The following FGD6 variants were observed in gnomAD, a reference collection of about 807,000 sequenced individuals.
The protein encoded by FGD6 is FYVE, RhoGEF and PH domain containing 6.
A neutral mutation model predicts 149.4 loss-of-function variants in FGD6; 90 were observed. The observed-to-expected ratio is 0.60, with a 90% CI of 0.51 to 0.72. The LOEUF (loss-of-function observed/expected upper bound fraction) is 0.72, where lower values mean the gene tolerates loss of function less well. FGD6 is among the 30% of genes least tolerant of loss of function. FGD6 has a pLI of 0.00. For missense variants in FGD6, 1,437 were observed against 1,684.8 expected (o/e 0.85, Z 2.57); for synonymous variants, 527 against 584.0 (o/e 0.90, Z 1.41).
intron 6 of FGD6, among the ~76,000 whole-genome samples, chr12:95,141,127 G>T (rs1879829550): frequency 6.6e-6 from 1 of 151,930 alleles, no homozygotes; most frequent in African/African-American, 2.4e-5. Flanking sequence ...GGAGGCTGAG[G>T]CAGAAGAAAC....
In FGD6 at chr12:95,076,867, A is replaced by C. The variant is rs1877509768; in HGVS notation, c.*4653T>G. 6.6e-6 allele frequency: 1 copy of C among 152,066 alleles called. No homozygotes were observed. The highest frequency in any genetic ancestry group is 2.1e-4 in the South Asian group (1 of 4,816). 9.4% of individuals were successfully genotyped at this position (152,066 alleles called of 1,614,324 possible). A position where few individuals can be genotyped will look rare whatever the true frequency, so the allele number is the denominator to read the frequency against. ...ACAAACTGTTATCATTTTAAGTACA[A>C]AGTATTTCTAGAAATACATTATAAG... On this transcript the variant is annotated 3_prime_UTR_variant, in exon 21 of 21. Coordinates refer to ENST00000343958, the MANE Select transcript of FGD6 (RefSeq NM_018351.4).
At chr12:95,198,565 G>A (rs566235707) in intron 2 of FGD6, among the ~76,000 whole-genome samples, 23 of 151,920 alleles carry the variant, frequency 1.5e-4, no homozygotes, top group African/African-American at 4.1e-4. Flanking sequence ...TCAGCCTCCC[G>A]AGTAGCTAGG....
chr12:95,192,368 A>G (rs1881616089), intron 2 of FGD6, among the ~76,000 whole-genome samples: 1 of 152,238 alleles, frequency 6.6e-6, no homozygotes, highest in East Asian at 1.9e-4. Flanking sequence ...GTACTGTTTG[A>G]TATGTAGTTA....
In FGD6 at chr12:95,141,532, CG is replaced by C. The variant is rs765552298; in HGVS notation, c.2692del (p.Arg898GlyfsTer4). 6.2e-7 allele frequency: 1 copy of C among 1,613,982 alleles called. No individual in the cohort carries two copies. The highest frequency in any genetic ancestry group is 8.5e-7 in the Non-Finnish European group (1 of 1,179,980). ...CCTGGAAGCATGAGCTACTGCATCC[CG>C]GAAATCCTATTACAGTCCAGAGCAG... ...DVLKLLHIDF[R>X]DAVAHASRQL... On this transcript the variant is annotated frameshift_variant, in exon 6 of 21. Coordinates refer to ENST00000343958, the MANE Select transcript of FGD6 (RefSeq NM_018351.4). LOFTEE classifies it high-confidence loss of function.
chr12:95,104,988 A>AAT lies in FGD6; in HGVS notation c.3497+18_3497+19insAT. ...CAGAATGAGAAAAAAAAAAAAAAAA[A>AAT]GAAGAAGAAAAAATTTACCTGGCTG... is the stretch of plus-strand genomic sequence containing the variant. On this transcript the variant is annotated intron_variant, in intron 14 of 20. Transcript: ENST00000343958. 7.1e-7 allele frequency: 1 copy of AAT among 1,407,676 alleles called. No homozygotes were observed. The highest frequency in any genetic ancestry group is 9.6e-7 in the Non-Finnish European group (1 of 1,043,620). The allele number at this position is 1,407,676 out of a possible 1,614,324, so 87.2% of individuals were successfully genotyped here.
chr12:95,088,614 C>T (rs1282411936), intron 18 of FGD6, among the ~76,000 whole-genome samples: 1 of 152,182 alleles, frequency 6.6e-6, no homozygotes, highest in Non-Finnish European at 1.5e-5. Context: ...CATATGTCCA[C>T]ACAGAAATTT....
In FGD6 at chr12:95,108,350, G is replaced by C; in HGVS notation, c.3262C>G (p.Arg1088Gly). The change falls in exon 11 of 21, where the codon CGG (arginine) becomes GGG (glycine). Residue 1088 changes from arginine (R) to glycine (G), a missense_variant and splice_region_variant. Arg to Gly is a moderately radical substitution (Grantham distance 125, BLOSUM62 -2). Transcript: ENST00000343958. ...NGHHEIVQPG[R>G]VFLKEGILMK... ...GAAAAGCAATGTAAAATGCTTACCC[G>C]ACCAGGCTGCACAATTTCATGGTGT... 1 of 1,613,516 alleles carries C rather than the reference G, an allele frequency of 6.2e-7. No homozygotes were observed. The highest frequency in any genetic ancestry group is 1.1e-5 in the South Asian group (1 of 90,910).
intron 2 of FGD6, among the ~76,000 whole-genome samples, chr12:95,201,601 G>A (rs1375916248): frequency 6.6e-6 from 1 of 152,036 alleles, no homozygotes; most frequent in Non-Finnish European, 1.5e-5. Flanking sequence ...TTATATATCA[G>A]GTCATTACAA....
intron 8 of FGD6, among the ~76,000 whole-genome samples, chr12:95,119,736 G>A (rs552489616): frequency 4.6e-5 from 7 of 152,238 alleles, no homozygotes; most frequent in African/African-American, 7.2e-5. Flanking sequence ...TTTGAGACCC[G>A]CCTTGCCAAC....
chr12:95,174,927 C>CAAAAAAAAAA (rs10687970), intron 2 of FGD6, among the ~76,000 whole-genome samples: 2 of 84,668 alleles, frequency 2.4e-5, no homozygotes, highest in African/African-American at 5.3e-5. Flanking sequence ...ACTCCATCTC[C>CAAAAAAAAAA]AAAAAAAAAA....
At chr12:95,113,174 A>G (rs1194239156) in intron 9 of FGD6, among the ~76,000 whole-genome samples, 1 of 150,002 alleles carries the variant, frequency 6.7e-6, no homozygotes, top group Non-Finnish European at 1.5e-5. Context: ...CTGCTTTACT[A>G]CTTAACTGGT....
intron 2 of FGD6, among the ~76,000 whole-genome samples, chr12:95,182,214 T>C (rs1164426794): frequency 3.0e-5 from 4 of 134,392 alleles, no homozygotes; most frequent in Non-Finnish European, 6.1e-5. Flanking sequence ...TATATATGTA[T>C]ACATACTTTT....
chr12:95,160,718 G>C (rs541925967), intron 3 of FGD6, among the ~76,000 whole-genome samples: 1 of 152,258 alleles, frequency 6.6e-6, no homozygotes, highest in African/African-American at 2.4e-5. Context: ...AACAACTTAG[G>C]AATTGCCTCT....
intron 2 of FGD6, among the ~76,000 whole-genome samples, chr12:95,204,318 C>G (rs949068216): frequency 6.6e-6 from 1 of 152,168 alleles, no homozygotes; most frequent in Non-Finnish European, 1.5e-5. Flanking sequence ...CTCCTTACAC[C>G]CTCATCCAGT....
At chr12:95,208,027 C>A (rs1406411330) in intron 2 of FGD6, among the ~76,000 whole-genome samples, 1 of 152,042 alleles carries the variant, frequency 6.6e-6, no homozygotes, top group Non-Finnish European at 1.5e-5. Context: ...AAGGCAGGAG[C>A]AGTGCTTGAG....
intron 2 of FGD6, among the ~76,000 whole-genome samples, chr12:95,208,208 T>C (rs2056702506): frequency 6.6e-6 from 1 of 152,060 alleles, no homozygotes; most frequent in African/African-American, 2.4e-5. Flanking sequence ...GCCATGATCA[T>C]ACCACTGCAC....
chr12:95,101,558 AACTTG>A (rs1878432210), intron 14 of FGD6, among the ~76,000 whole-genome samples: 1 of 152,182 alleles, frequency 6.6e-6, no homozygotes, highest in South Asian at 2.1e-4. Context: ...GTGCAATTAA[AACTTG>A]ACTTTTCTAT....
At position 95,106,917 on chromosome 12, in the gene FGD6, C is replaced by CAAAA; in HGVS notation, c.3417+33_3417+36dup. The stretch of plus-strand genomic sequence containing the variant: ...TCAAACAAAACAAAACAAAACAAAA[C>CAAAA]AAAACAAAAAACAAAACATCTAACA... On this transcript the variant is annotated intron_variant, in intron 13 of 20. Coordinates refer to ENST00000343958, the MANE Select transcript of FGD6 (RefSeq NM_018351.4). 2.9e-6 allele frequency: 4 copies of CAAAA among 1,402,442 alleles called. No individual in the cohort carries two copies. The South Asian group carries it at 3.6e-5, about 13-fold the overall frequency. The allele number at this position is 1,402,442 out of a possible 1,614,324, so 86.9% of individuals were successfully genotyped here. A position where few individuals can be genotyped will look rare whatever the true frequency, so the allele number is the denominator to read the frequency against.
chr12:95,156,871 C>T (rs539300555), intron 3 of FGD6, among the ~76,000 whole-genome samples: 5 of 152,096 alleles, frequency 3.3e-5, no homozygotes, highest in African/African-American at 7.2e-5. Context: ...GGGTGAATTC[C>T]GCCCAATATC....
Sources: gnomAD v4.1 joint callset for allele counts (sites outside exome capture counted in the v4.1 genomes callset) on GRCh38, gnomAD v4.1.1 for gene constraint, MANE v1.5 for transcripts, NCBI Gene and HGNC (gene_info 2026-07-23, HGNC 2026-07-21) for gene names.